Variants in TXNDC12 observed in about 807,000 individuals in gnomAD.
The protein encoded by TXNDC12 is thioredoxin domain containing 12, also known as thioredoxin domain-containing protein 12.
Under a neutral mutation model 24.2 loss-of-function variants are expected in TXNDC12, and 22 were observed. The ratio of observed to expected loss-of-function variants is 0.91; its 90% CI spans 0.65 to 1.30. The LOEUF is 1.30. Ranked by LOEUF, TXNDC12 falls within the 50% of genes most tolerant of loss-of-function variation. TXNDC12 has a pLI of 0.00. For missense variants in TXNDC12, 184 were observed against 205.8 expected (o/e 0.89, Z 0.65); for synonymous variants, 58 against 73.4 (o/e 0.79, Z 1.07).
chr1:52,042,026 G>A (rs1218813796), intron 1 of TXNDC12, among the ~76,000 whole-genome samples: 1 of 152,164 alleles, frequency 6.6e-6, no homozygotes, highest in East Asian at 1.9e-4. Context: ...TATTACGTGT[G>A]TGAATTCTTG....
chr1:52,044,358 G>C lies in TXNDC12; in HGVS notation c.98-2761C>G, dbSNP rs2039581. The stretch of plus-strand genomic sequence containing the variant: ...CCACATTAACACAACCCTCAAAAGA[G>C]ACTAAAGTGATTCCACGTGAGTGGT... On this transcript the variant is annotated intron_variant, in intron 1 of 6. Coordinates refer to ENST00000371626, the MANE Select transcript of TXNDC12 (RefSeq NM_015913.4). 2.6e-5 allele frequency: 4 copies of C among 152,296 alleles called. No individual in the cohort carries two copies. In the East Asian group the frequency reaches 7.7e-4, roughly 29 times the overall value. The allele number at this position is 152,296 out of a possible 1,614,324, so 9.4% of individuals were successfully genotyped here.
intron 2 of TXNDC12, chr1:52,033,635 C>T (rs776914995): frequency 1.2e-6 from 2 of 1,611,828 alleles, no homozygotes; most frequent in Admixed American, 3.3e-5. Flanking sequence ...GGGTCCTCTG[C>T]GCCCAGGACA....
At chr1:52,049,784 C>A (rs1008615021) in intron 1 of TXNDC12, among the ~76,000 whole-genome samples, 4 of 151,930 alleles carry the variant, frequency 2.6e-5, no homozygotes, top group Non-Finnish European at 5.9e-5. Flanking sequence ...GCAATCTGCC[C>A]GCCTTGGCCT....
chr1:52,028,397 C>T (rs935584998), intron 3 of TXNDC12, among the ~76,000 whole-genome samples, 181 bp downstream of exon 3: 1 of 152,168 alleles, frequency 6.6e-6, no homozygotes, highest in Non-Finnish European at 1.5e-5. Flanking sequence ...CTTAACTTCC[C>T]TAAAATCCCC....
At chr1:52,032,557 G>A in intron 2 of TXNDC12, 2 of 1,408,588 alleles carry the variant, frequency 1.4e-6, no homozygotes, top group Non-Finnish European at 1.8e-6. Context: ...GGGGTATGCA[G>A]GAAAGTTTGA....
intron 3 of TXNDC12, 70 bp from the exon 4 acceptor site, chr1:52,027,418 G>T: frequency 1.7e-6 from 2 of 1,148,832 alleles, no homozygotes; most frequent in Non-Finnish European, 2.6e-6. Flanking sequence ...ACGAACATAA[G>T]CATCACTATT....
At chr1:52,024,436 G>A in intron 5 of TXNDC12, 74 bp downstream of exon 5, 2 of 1,171,070 alleles carry the variant, frequency 1.7e-6, no homozygotes, top group South Asian at 2.6e-5. Context: ...GTTTCACTAG[G>A]TGAAGTCAGT....
intron 2 of TXNDC12, chr1:52,033,016 A>G: frequency 1.3e-6 from 2 of 1,563,798 alleles, no homozygotes; most frequent in South Asian, 1.2e-5. Flanking sequence ...CCGGTTCTCA[A>G]ACAGGGCAGA....
At chr1:52,033,818 T>C in intron 2 of TXNDC12, 3 of 1,488,788 alleles carry the variant, frequency 2.0e-6, no homozygotes, top group Non-Finnish European at 2.7e-6. Context: ...GTTGTACGCG[T>C]CTCCGACGTA....
intron 2 of TXNDC12, among the ~76,000 whole-genome samples, chr1:52,036,128 C>A (rs1193836586): frequency 6.6e-6 from 1 of 152,118 alleles, no homozygotes; most frequent in Middle Eastern, 3.2e-3. Flanking sequence ...GGGGCACTGA[C>A]CCCTGACACC....
intron 2 of TXNDC12, chr1:52,033,235 C>T (rs766342705): frequency 6.2e-7 from 1 of 1,613,912 alleles, no homozygotes; most frequent in African/African-American, 1.3e-5. Context: ...GGATTCTTCT[C>T]GCTCCAGTTC....
chr1:52,036,839 T>C lies in TXNDC12; in HGVS notation c.158+4698A>G, dbSNP rs563913005. On this transcript the variant is annotated intron_variant, in intron 2 of 6. Transcript: ENST00000371626. ...TTTGGTGTCTATTAGCTCTTGAATT[T>C]ATCCAAGATCATATCTTAAAACCCT... 1.8e-4 allele frequency among the ~76,000 whole-genome samples: 28 copies of C among 152,354 alleles called. No homozygotes were observed. The South Asian group carries it at 5.8e-3, about 32-fold the overall frequency.
chr1:52,038,743 A>G (rs1050139243), intron 2 of TXNDC12, among the ~76,000 whole-genome samples: 1 of 152,022 alleles, frequency 6.6e-6, no homozygotes, highest in Non-Finnish European at 1.5e-5. Flanking sequence ...CTTTTTCTCA[A>G]ATCATATTAG....
chr1:52,041,311 C>G (rs1254641792), intron 2 of TXNDC12, among the ~76,000 whole-genome samples: 1 of 147,922 alleles, frequency 6.8e-6, no homozygotes, highest in Admixed American at 6.8e-5. Flanking sequence ...CCAGCCTGGG[C>G]GAGAGAGTGA....
intron 6 of TXNDC12, 78 bp downstream of exon 6, chr1:52,023,413 T>C: frequency 8.4e-7 from 1 of 1,190,464 alleles, no homozygotes; most frequent in Non-Finnish European, 1.2e-6. Flanking sequence ...TGAATTTACT[T>C]TCCTATCACA....
intron 1 of TXNDC12, among the ~76,000 whole-genome samples, chr1:52,045,899 G>A (rs369073970): frequency 6.6e-6 from 1 of 152,278 alleles, no homozygotes; most frequent in East Asian, 1.9e-4. Flanking sequence ...CCAGAACTGT[G>A]AGACAATAAA....
At chr1:52,056,058 G>A (rs1344415506), upstream of TXNDC12, 1 of 152,096 alleles carries the variant, frequency 6.6e-6, no homozygotes, top group African/African-American at 2.4e-5. Context: ...AAAACATACC[G>A]ACCACCCTTT....
chr1:52,046,541 A>C (rs966187477), intron 1 of TXNDC12, among the ~76,000 whole-genome samples: 1 of 152,200 alleles, frequency 6.6e-6, no homozygotes, highest in African/African-American at 2.4e-5. Context: ...TGACCAAGAC[A>C]GTCCAAGGAG....
intron 2 of TXNDC12, chr1:52,032,282 A>C (rs568097147): frequency 2.0e-6 from 2 of 994,130 alleles, no homozygotes; most frequent in African/African-American, 3.5e-5. Flanking sequence ...GTATGAAAAA[A>C]GGGCAGGTGC....
Sources: allele counts gnomAD v4.1 joint callset (sites outside exome capture counted in the v4.1 genomes callset), GRCh38; gene constraint gnomAD v4.1.1; transcripts MANE v1.5; gene names NCBI Gene and HGNC (gene_info 2026-07-23, HGNC 2026-07-21).